Variants in AUTS2 observed in about 807,000 individuals in gnomAD.
The protein encoded by AUTS2 is activator of transcription and developmental regulator AUTS2.
AUTS2 carries 17 observed loss-of-function variants against 112.4 expected under a neutral mutation model. The observed-to-expected ratio is 0.15, with a 90% CI of 0.10 to 0.23. The LOEUF is 0.23. AUTS2 is among the 10% of genes least tolerant of loss of function. The probability of loss-of-function intolerance (pLI) is 1.00; values close to 1 mark genes in which losing one functional copy is unlikely to be tolerated. For missense variants in AUTS2, 1,510 were observed against 1,701.6 expected, an observed-to-expected ratio of 0.89 and a Z score of 1.98; for synonymous variants, 751 against 702.7, an observed-to-expected ratio of 1.07 and a Z score of -1.09.
At chr7:70,553,628 A>G (rs1801104952) in intron 5 of AUTS2, among the ~76,000 whole-genome samples, 1 of 152,088 alleles carries the variant, frequency 6.6e-6, no homozygotes, top group South Asian at 2.1e-4. Flanking sequence ...GGTTTGTGCA[A>G]CTTTGGCAAC....
intron 4 of AUTS2, among the ~76,000 whole-genome samples, chr7:70,325,526 A>G (rs1790447727): frequency 6.6e-6 from 1 of 152,174 alleles, no homozygotes; most frequent in African/African-American, 2.4e-5. Context: ...GTATATACCT[A>G]AATGAAATGA....
intron 2 of AUTS2, among the ~76,000 whole-genome samples, chr7:70,068,459 C>T (rs1802602186): frequency 6.6e-6 from 1 of 152,034 alleles, no homozygotes; most frequent in Non-Finnish European, 1.5e-5. Flanking sequence ...GCTGAGATTA[C>T]AGGCGTGAGC....
At chr7:70,184,925 T>C (rs1809519023) in intron 4 of AUTS2, among the ~76,000 whole-genome samples, 1 of 152,356 alleles carries the variant, frequency 6.6e-6, no homozygotes, top group East Asian at 1.9e-4. Context: ...ACTTACAGCA[T>C]AACTATTCAT....
At chr7:70,138,312 G>A (rs181822910) in intron 4 of AUTS2, among the ~76,000 whole-genome samples, 11 of 152,306 alleles carry the variant, frequency 7.2e-5, no homozygotes, top group East Asian at 1.9e-4. Context: ...AGAACATTTC[G>A]TGTTGGCCAG....
At chr7:70,703,684 T>C (rs1318742261) in intron 6 of AUTS2, among the ~76,000 whole-genome samples, 2 of 152,162 alleles carry the variant, frequency 1.3e-5, no homozygotes, top group African/African-American at 4.8e-5. Context: ...GGACATGATG[T>C]AAAGTGCATT....
At chr7:69,726,510 GT>G (rs144686827) in intron 1 of AUTS2, among the ~76,000 whole-genome samples, 14,346 of 139,460 alleles carry the variant, frequency 0.1, 1,017 homozygotes, top group African/African-American at 0.22. Context: ...TCTTGTACAA[GT>G]TTTTTTTTTT....
At chr7:69,736,352 T>C (rs1787031166) in intron 1 of AUTS2, among the ~76,000 whole-genome samples, 1 of 152,188 alleles carries the variant, frequency 6.6e-6, no homozygotes, top group African/African-American at 2.4e-5. Flanking sequence ...GGAAACCTAT[T>C]GGCTGATTTG....
chr7:70,755,835 TA>T (rs1196090997), intron 6 of AUTS2, among the ~76,000 whole-genome samples: 1 of 151,982 alleles, frequency 6.6e-6, no homozygotes, highest in Non-Finnish European at 1.5e-5. Context: ...TTTACTTTAA[TA>T]AAAATTTAAT....
At chr7:70,228,006 G>A (rs1039688119) in intron 4 of AUTS2, among the ~76,000 whole-genome samples, 1 of 151,846 alleles carries the variant, frequency 6.6e-6, no homozygotes. Flanking sequence ...TTATTATTTA[G>A]AGTGGTATAT....
At chr7:70,419,628 G>T (rs1795131614) in intron 4 of AUTS2, among the ~76,000 whole-genome samples, 1 of 152,056 alleles carries the variant, frequency 6.6e-6, no homozygotes, top group Non-Finnish European at 1.5e-5. Context: ...TTTGAGACTA[G>T]TTGAGCTAGA....
intron 5 of AUTS2, among the ~76,000 whole-genome samples, chr7:70,558,260 C>T (rs746697389): frequency 7.9e-5 from 12 of 152,078 alleles, no homozygotes; most frequent in Admixed American, 4.6e-4. Flanking sequence ...AGATACTCTG[C>T]GTAAAATTTA....
chr7:69,753,740 A>G (rs1158002590), intron 1 of AUTS2, among the ~76,000 whole-genome samples: 1 of 152,188 alleles, frequency 6.6e-6, no homozygotes, highest in African/African-American at 2.4e-5. Flanking sequence ...TCAGGAAATA[A>G]CTTCCAACTC....
Position 69,660,513 on chromosome 7 carries a change from A to G in AUTS2, c.309+60551A>G, listed in dbSNP as rs192229058. 7.9e-5 allele frequency among the ~76,000 whole-genome samples: 12 copies of G among 152,350 alleles called. No homozygotes were observed. The East Asian group carries it at 1.3e-3, about 17-fold the overall frequency. The stretch of plus-strand genomic sequence containing the variant: ...TTGATTTCTCTGGATGCAGATCCTA[A>G]CTGTTGGCAAATTTAAAACTTACTT... On this transcript the variant is annotated intron_variant, in intron 1 of 18. Transcript: ENST00000342771.
rs138327030 is a variant in AUTS2, at chr7:69,862,051, G to A, written c.310-37235G>A. Among the ~76,000 whole-genome samples, 37 of 152,276 alleles carry A rather than the reference G, an allele frequency of 2.4e-4. No homozygotes were observed. The East Asian group carries it at 6.9e-3, about 29-fold the overall frequency. ...TAATTCTCAATTTGGGGCACCTGCC[G>A]TGAACATTAAAGATGGTATCCTTTG... is the stretch of plus-strand genomic sequence containing the variant. On this transcript the variant is annotated intron_variant, in intron 1 of 18. Transcript: ENST00000342771.
At chr7:70,429,710 T>C (rs1282476976) in intron 4 of AUTS2, among the ~76,000 whole-genome samples, 1 of 152,262 alleles carries the variant, frequency 6.6e-6, no homozygotes, top group African/African-American at 2.4e-5. Flanking sequence ...TTGTGTTTCA[T>C]AAATCTAATA....
intron 2 of AUTS2, among the ~76,000 whole-genome samples, chr7:69,960,874 A>G (rs1797402702): frequency 1.3e-5 from 2 of 152,026 alleles, no homozygotes; most frequent in African/African-American, 4.8e-5. Flanking sequence ...GGTGCTCATC[A>G]ACTTCTGTGT....
chr7:69,645,967 A>ATTT (rs751243685), intron 1 of AUTS2, among the ~76,000 whole-genome samples: 2 of 134,236 alleles, frequency 1.5e-5, no homozygotes, highest in Admixed American at 7.5e-5. Flanking sequence ...AACGGTCTGG[A>ATTT]TTTTTTTTTT....
At chr7:70,556,354 C>A (rs1801250169) in intron 5 of AUTS2, among the ~76,000 whole-genome samples, 1 of 152,164 alleles carries the variant, frequency 6.6e-6, no homozygotes, top group Admixed American at 6.5e-5. Flanking sequence ...TAGGCAGGGA[C>A]AAATACCCAA....
chr7:70,231,518 C>T (rs1812047964), intron 4 of AUTS2, among the ~76,000 whole-genome samples: 1 of 152,116 alleles, frequency 6.6e-6, no homozygotes, highest in African/African-American at 2.4e-5. Context: ...TCTTGGCTCA[C>T]TGCAAGCTCC....
Sources: allele counts gnomAD v4.1 joint callset (sites outside exome capture counted in the v4.1 genomes callset), GRCh38; gene constraint gnomAD v4.1.1; transcripts MANE v1.5; gene names NCBI Gene and HGNC (gene_info 2026-07-23, HGNC 2026-07-21).